KIF26B: variants seen among roughly 807,000 people sequenced by gnomAD.
KIF26B encodes kinesin-like protein KIF26B.
A neutral mutation model predicts 151.2 loss-of-function variants in KIF26B; 63 were observed. That is an observed-to-expected ratio of 0.42 (90% CI 0.34 to 0.51). The LOEUF (loss-of-function observed/expected upper bound fraction) is 0.51. Ranked by LOEUF, KIF26B falls within the 20% of genes least tolerant of loss-of-function variation. The probability of loss-of-function intolerance (pLI) is 0.07; values close to 1 mark genes in which losing one functional copy is unlikely to be tolerated. For missense variants in KIF26B, 2,813 were observed against 2,913.6 expected, an observed-to-expected ratio of 0.97 and a Z score of 0.79; for synonymous variants, 1,357 against 1,262.1, an observed-to-expected ratio of 1.08 and a Z score of -1.59.
At chr1:245,643,301 G>A (rs1450210014) in intron 9 of KIF26B, among the ~76,000 whole-genome samples, 1 of 151,278 alleles carries the variant, frequency 6.6e-6, no homozygotes, top group Non-Finnish European at 1.5e-5. Flanking sequence ...TCTCTTTTTT[G>A]CTTTCTTTTG....
chr1:245,244,691 T>C lies in KIF26B; in HGVS notation c.465+88008T>C, dbSNP rs1219335762. The stretch of plus-strand genomic sequence containing the variant: ...CTCTTCATACTGTTGTCTTAGGTGT[T>C]CCTTGTAACCAGACTTCAAACTATC... On this transcript the variant is annotated intron_variant, in intron 2 of 14. Transcript: ENST00000407071. The surrounding 1 kb of genome is among the most constrained non-coding windows in gnomAD (Gnocchi z 4.2). Among the ~76,000 whole-genome samples, 1 of 151,746 alleles carries C rather than the reference T, an allele frequency of 6.6e-6. No individual in the cohort carries two copies. The highest frequency in any genetic ancestry group is 2.4e-5 in the African/African-American group (1 of 41,308).
chr1:245,660,191 A>C (rs1420635758), intron 10 of KIF26B, among the ~76,000 whole-genome samples: 1 of 84,618 alleles, frequency 1.2e-5, no homozygotes, highest in Non-Finnish European at 2.5e-5. Context: ...AGGTCTTAGA[A>C]TTTACCCCAA....
intron 4 of KIF26B, among the ~76,000 whole-genome samples, chr1:245,515,280 G>C (rs1225110828): frequency 6.6e-6 from 1 of 152,072 alleles, no homozygotes; most frequent in Non-Finnish European, 1.5e-5. Context: ...CCCTGAGCCC[G>C]AGGGTCAGGG....
intron 4 of KIF26B, among the ~76,000 whole-genome samples, chr1:245,509,432 C>G (rs1370702917): frequency 4.6e-5 from 7 of 152,168 alleles, no homozygotes; most frequent in Non-Finnish European, 1.0e-4. Flanking sequence ...TGTAGTGATT[C>G]TTCTCCCTCC....
At chr1:245,584,907 TG>T (rs2043209583) in intron 5 of KIF26B, among the ~76,000 whole-genome samples, 1 of 152,244 alleles carries the variant, frequency 6.6e-6, no homozygotes, top group Non-Finnish European at 1.5e-5. Flanking sequence ...ACTTCGATTT[TG>T]ACACCATAGA....
chr1:245,593,043 A>C (rs530887142), intron 5 of KIF26B, among the ~76,000 whole-genome samples: 1 of 152,274 alleles, frequency 6.6e-6, no homozygotes, highest in South Asian at 2.1e-4. Context: ...TACCCCAAAA[A>C]ACTTCTGGAG....
At chr1:245,458,609 A>C (rs909292027) in intron 4 of KIF26B, among the ~76,000 whole-genome samples, 1 of 152,200 alleles carries the variant, frequency 6.6e-6, no homozygotes, top group Non-Finnish European at 1.5e-5. Context: ...CGCTCATAAT[A>C]GAAAGGTCAA....
rs1299857831 is a variant in KIF26B, at chr1:245,667,131, G to A, written c.2259-17102G>A. On this transcript the variant is annotated intron_variant, in intron 10 of 14. Transcript: ENST00000407071. This position sits in a 1 kb window ranked among gnomAD's most constrained non-coding sequence, Gnocchi z 4.3. ...TCTCTGCTGTGACGTAGGAGGGACC[G>A]TGAGCCTTATGCTAGGCACTCCTTC... Among the ~76,000 whole-genome samples, 1 of 152,166 alleles carries A rather than the reference G, an allele frequency of 6.6e-6. No homozygotes were observed. Among genetic ancestry groups the A allele is most frequent in the Admixed American group, 6.5e-5 (1 of 15,290 alleles).
At chr1:245,645,782 T>C (rs1437463407) in intron 9 of KIF26B, among the ~76,000 whole-genome samples, 1 of 152,234 alleles carries the variant, frequency 6.6e-6, no homozygotes, top group Non-Finnish European at 1.5e-5. Flanking sequence ...GCTATTCAAA[T>C]GGCATTTAGG....
At position 245,685,504 on chromosome 1, in the gene KIF26B, C is replaced by A; in HGVS notation, c.2521C>A (p.Pro841Thr). 1 of 1,613,744 alleles carries A rather than the reference C, an allele frequency of 6.2e-7. No homozygotes were observed. Among genetic ancestry groups the A allele is most frequent in the Non-Finnish European group, 8.5e-7 (1 of 1,179,800 alleles). Residue 841 changes from proline (P) to threonine (T), a missense_variant, in exon 12 of 15, where the codon CCT becomes ACT. This residue lies in a region of KIF26B where 2,060 missense variants were observed against 2,088.6 expected (regional missense o/e 0.99). Coordinates refer to ENST00000407071, the MANE Select transcript of KIF26B (RefSeq NM_018012.4). ...CTTCCACACCAGGGCCACGGTGGAC[C>A]CTGACTTCCCCATCGCTCACCTGTC... is the stretch of plus-strand genomic sequence containing the variant. The part of the protein sequence containing the change: ...RPFHTRATVD[P>T]DFPIAHLSSD...
At chr1:245,410,606 T>C (rs1217581717) in intron 3 of KIF26B, among the ~76,000 whole-genome samples, 1 of 152,252 alleles carries the variant, frequency 6.6e-6, no homozygotes, top group Middle Eastern at 3.4e-3. Flanking sequence ...CGTGCCACCA[T>C]GCCTGCCTAA....
Position 245,511,272 on chromosome 1 carries a change from G to A in KIF26B, c.1167-29495G>A, listed in dbSNP as rs1053624886. On this transcript the variant is annotated intron_variant, in intron 4 of 14. Coordinates refer to ENST00000407071, the MANE Select transcript of KIF26B (RefSeq NM_018012.4). ...ATTTCAAAGAAGTTAGGAGGGTCCA[G>A]GTTGTGCAAGCTTTCTTCTTGTTCA... 14 of 618,494 alleles carry A rather than the reference G, an allele frequency of 2.3e-5. No homozygotes were observed. In the Admixed American group the frequency reaches 3.1e-4, roughly 14 times the overall value. 38.3% of individuals were successfully genotyped at this position (618,494 alleles called of 1,614,324 possible). A position where few individuals can be genotyped will look rare whatever the true frequency, so the allele number is the denominator to read the frequency against.
intron 5 of KIF26B, among the ~76,000 whole-genome samples, chr1:245,552,792 G>T (rs568054036): frequency 9.2e-5 from 14 of 152,180 alleles, no homozygotes; most frequent in Admixed American, 4.6e-4. Flanking sequence ...TGGAGATGGG[G>T]TTTTACCACG....
rs2044522111 is a variant in KIF26B, at chr1:245,686,464, C to G, written c.3481C>G (p.Pro1161Ala). Residue 1161 changes from proline (P) to alanine (A), a missense_variant, in exon 12 of 15, where the codon CCT becomes GCT. Pro to Ala is a conservative substitution (Grantham distance 27). Transcript: ENST00000407071. This position sits in a 1 kb window ranked among gnomAD's most constrained non-coding sequence, Gnocchi z 5.6. Reference sequence around the variant, plus strand: ...CGATGATGAGCAGCAGGCAGCTACTCCTTCAGAGTCCAAGAAGGAGATCCT... The same window carrying G: ...CGATGATGAGCAGCAGGCAGCTACTGCTTCAGAGTCCAAGAAGGAGATCCT... ...PVDDEQQAAT[P>A]SESKKEILST... 1 of 1,613,118 alleles carries G rather than the reference C, an allele frequency of 6.2e-7. No homozygotes were observed. The highest frequency in any genetic ancestry group is 1.3e-5 in the African/African-American group (1 of 74,930).
chr1:245,464,639 CGT>C (rs534068850), intron 4 of KIF26B, among the ~76,000 whole-genome samples: 8 of 107,454 alleles, frequency 7.4e-5, no homozygotes, highest in African/African-American at 1.9e-4. Flanking sequence ...TGTTTGGCAC[CGT>C]GTGTGTGGGT....
At chr1:245,583,335 C>T (rs2103130762) in intron 5 of KIF26B, among the ~76,000 whole-genome samples, 1 of 152,210 alleles carries the variant, frequency 6.6e-6, no homozygotes, top group Non-Finnish European at 1.5e-5. Flanking sequence ...GCTTTCAAGG[C>T]ACTCACAGCC....
At position 245,247,579 on chromosome 1, in the gene KIF26B, C is replaced by T. The variant is rs986320256; in HGVS notation, c.465+90896C>T. 2.4e-4 allele frequency among the ~76,000 whole-genome samples: 36 copies of T among 152,300 alleles called. 1 individual carries two copies. Among genetic ancestry groups the T allele is most frequent in the African/African-American group, 8.2e-4 (34 of 41,564 alleles). On this transcript the variant is annotated intron_variant, in intron 2 of 14. Coordinates refer to ENST00000407071, the MANE Select transcript of KIF26B (RefSeq NM_018012.4). ...CTGCCCGAGAAGCAGGGCACGATGG[C>T]GTGGCAGCCCTGGGCTGTCGCTGGA...
intron 10 of KIF26B, among the ~76,000 whole-genome samples, chr1:245,676,043 G>A (rs2044353659): frequency 6.6e-6 from 1 of 152,064 alleles, no homozygotes; most frequent in African/African-American, 2.4e-5. Flanking sequence ...CCATGGCAGT[G>A]CTTTTATTAG....
intron 2 of KIF26B, among the ~76,000 whole-genome samples, chr1:245,224,528 G>T (rs901244806): frequency 5.3e-5 from 8 of 152,210 alleles, no homozygotes; most frequent in Non-Finnish European, 1.2e-4. Context: ...ACAGCTGACA[G>T]CATTTGTTGC....
Sources: allele counts gnomAD v4.1 joint callset (sites outside exome capture counted in the v4.1 genomes callset), GRCh38; gene constraint gnomAD v4.1.1; regional missense constraint gnomAD v4.1.1; non-coding constraint Gnocchi (gnomAD v3.1); transcripts MANE v1.5; gene names NCBI Gene and HGNC (gene_info 2026-07-23, HGNC 2026-07-21).